The following CRYGD variants were observed in gnomAD, a reference collection of about 807,000 sequenced individuals.
CRYGD encodes gamma-crystallin D.
Under a neutral mutation model 11.3 loss-of-function variants are expected in CRYGD, and 13 were observed. The observed-to-expected ratio is 1.15, with a 90% CI of 0.75 to 1.83. The LOEUF (loss-of-function observed/expected upper bound fraction) is 1.83. Among genes scored for constraint, CRYGD ranks in the 40% most tolerant of loss-of-function variants. The pLI is 0.00. For missense variants in CRYGD, 231 were observed against 229.9 expected (o/e 1.00, Z -0.03); for synonymous variants, 77 against 89.5 (o/e 0.86, Z 0.79).
In CRYGD at chr2:208,123,437, TAAATATATTAAAATATAAATATTTA is replaced by T. The variant is rs930943720; in HGVS notation, c.252+650_252+674del. 6.8e-5 allele frequency among the ~76,000 whole-genome samples: 10 copies of T among 147,914 alleles called. 1 individual carries two copies. The highest frequency in any genetic ancestry group is 2.4e-4 in the African/African-American group (10 of 40,834). Reference sequence around the variant, plus strand: ...CCTTCTATTCAAAATATAAGTGTTTTAAATATATTAAAATATAAATATTTAAAATATATTAAAATATAAAATGTTA... The same window carrying T: ...CCTTCTATTCAAAATATAAGTGTTTTAAATATATTAAAATATAAAATGTTA... On this transcript the variant is annotated intron_variant, in intron 2 of 2. Coordinates refer to ENST00000264376, the MANE Select transcript of CRYGD (RefSeq NM_006891.4).
At position 208,121,684 on chromosome 2, in the gene CRYGD, C is replaced by T; in HGVS notation, c.514G>A (p.Asp172Asn). 1 of 1,613,412 alleles carries T rather than the reference C, an allele frequency of 6.2e-7. No individual in the cohort carries two copies. Among genetic ancestry groups the T allele is most frequent in the Non-Finnish European group, 8.5e-7 (1 of 1,179,582 alleles). The change falls in exon 3 of 3, where the codon GAT (aspartate) becomes AAT (asparagine). Residue 172 changes from aspartate (D) to asparagine (N), a missense_variant. By Grantham distance (23) the Asp-to-Asn change is conservative (BLOSUM62 1). Transcript: ENST00000264376. ...ARVGSLRRVI[D>N]FS ...AAAGAGGACATATTTCAGGAGAAAT[C>T]TATGACTCTCCTCAGAGAGCCCACT...
intron 2 of CRYGD, among the ~76,000 whole-genome samples, chr2:208,123,032 C>G (rs1212001578): frequency 6.7e-6 from 1 of 149,530 alleles, no homozygotes; most frequent in Admixed American, 6.7e-5. Context: ...GCACTCCAGC[C>G]TGGGCGTCAG....
chr2:208,124,006 A>C (rs921088072), intron 2 of CRYGD, 106 bp downstream of exon 2: 46 of 1,520,786 alleles, frequency 3.0e-5, no homozygotes, highest in Non-Finnish European at 4.2e-5. Context: ...TCTTTTGTCC[A>C]CTCTCAGTTA....
chr2:208,124,300 C>A lies in CRYGD; in HGVS notation c.64G>T (p.Asp22Tyr). 1 of 1,610,824 alleles carries A rather than the reference C, an allele frequency of 6.2e-7. No individual in the cohort carries two copies. Among genetic ancestry groups the A allele is most frequent in the Non-Finnish European group, 8.5e-7 (1 of 1,178,898 alleles). ...AAGTAGGGCTGCAGGTTGGGGTGGT[C>A]GCTGCTGCATTCATAGTGGCGGCCC... ...FQGRHYECSS[D>Y]HPNLQPYLSR... Residue 22 changes from aspartate (D) to tyrosine (Y), a missense_variant, in exon 2 of 3, where the codon GAC becomes TAC. Transcript: ENST00000264376.
In CRYGD at chr2:208,124,509, G is replaced by C. The variant is rs1442407336; in HGVS notation, c.-36C>G. ...GCGCACGGCGGTGCTGAGCTGGTGG[G>C]GCGGCGGCGCTGAGCGGGTGGGGCT... is the stretch of plus-strand genomic sequence containing the variant. On this transcript the variant is annotated 5_prime_UTR_variant, in exon 1 of 3. Coordinates refer to ENST00000264376, the MANE Select transcript of CRYGD (RefSeq NM_006891.4). The C allele has an allele frequency of 6.5e-7, 1 of 1,543,356 alleles. No homozygotes were observed. Among genetic ancestry groups the C allele is most frequent in the Non-Finnish European group, 8.7e-7 (1 of 1,150,774 alleles).
rs1416723587 is a variant in CRYGD, at chr2:208,121,697, C to G, written c.501G>C (p.Leu167=). The change falls in exon 3 of 3, where the codon CTG becomes CTC. Residue 167 remains leucine, a synonymous_variant. Coordinates refer to ENST00000264376, the MANE Select transcript of CRYGD (RefSeq NM_006891.4). The part of the protein sequence containing the change: ...WGATNARVGS[L]RRVIDFS ...TTCAGGAGAAATCTATGACTCTCCT[C>G]AGAGAGCCCACTCTGGCATTCGTGG... The G allele has an allele frequency of 1.7e-5, 27 of 1,613,732 alleles. No homozygotes were observed. Among genetic ancestry groups the G allele is most frequent in the Non-Finnish European group, 2.3e-5 (27 of 1,179,760 alleles).
chr2:208,122,855 A>G (rs1694891757), intron 2 of CRYGD, among the ~76,000 whole-genome samples: 1 of 150,424 alleles, frequency 6.6e-6, no homozygotes, highest in Admixed American at 6.6e-5. Flanking sequence ...TTCGTCAAAA[A>G]AAATAATAAT....
At chr2:208,122,872 TAATAAAATAA>T (rs993976123) in intron 2 of CRYGD, among the ~76,000 whole-genome samples, 7 of 148,296 alleles carry the variant, frequency 4.7e-5, no homozygotes, top group Admixed American at 2.0e-4. Context: ...TAATAATAAA[TAATAAAATAA>T]AATAAAATAA....
Position 208,124,512 on chromosome 2 carries a change from G to GGCGGCGCTGAGCGGGTGGGGCT in CRYGD, c.-40_-39insAGCCCCACCCGCTCAGCGCCGC. 2 of 1,541,478 alleles carry GGCGGCGCTGAGCGGGTGGGGCT rather than the reference G, an allele frequency of 1.3e-6. No individual in the cohort carries two copies. Among genetic ancestry groups the GGCGGCGCTGAGCGGGTGGGGCT allele is most frequent in the Non-Finnish European group, 8.7e-7 (1 of 1,149,890 alleles). On this transcript the variant is annotated 5_prime_UTR_variant, in exon 1 of 3. Transcript: ENST00000264376. The stretch of plus-strand genomic sequence containing the variant: ...CACGGCGGTGCTGAGCTGGTGGGGC[G>GGCGGCGCTGAGCGGGTGGGGCT]GCGGCGCTGAGCGGGTGGGGCTGCG...
chr2:208,122,809 T>C (rs1300467369), intron 2 of CRYGD, among the ~76,000 whole-genome samples: 1 of 150,518 alleles, frequency 6.6e-6, no homozygotes, highest in Non-Finnish European at 1.5e-5. Context: ...GCCGAGATCA[T>C]GCCACTGCAC....
chr2:208,122,152 T>G (rs1694877592), intron 2 of CRYGD, among the ~76,000 whole-genome samples: 1 of 152,114 alleles, frequency 6.6e-6, no homozygotes, highest in South Asian at 2.1e-4. Context: ...GTGAAGAAAT[T>G]GAGAAGGAAA....
Position 208,124,196 on chromosome 2 carries a change from G to T in CRYGD, c.168C>A (p.Tyr56Ter), listed in dbSNP as rs202233735. 27 of 1,611,718 alleles carry T rather than the reference G, an allele frequency of 1.7e-5. No individual in the cohort carries two copies. The highest frequency in any genetic ancestry group is 2.2e-5 in the Non-Finnish European group (26 of 1,179,888). ...CGGCATAGTCGCCGCGGCGCAGGAA[G>T]TACTGGAGGCCCGAGTAGTTGGGCT... is the stretch of plus-strand genomic sequence containing the variant. ...YEQPNYSGLQYFLRRGDYADH... is the reference protein window; with the variant it reads ...YEQPNYSGLQ The change falls in exon 2 of 3, where the codon TAC becomes TAA. Residue 56 changes from tyrosine to a stop codon, truncating the protein, a stop_gained. Coordinates refer to ENST00000264376, the MANE Select transcript of CRYGD (RefSeq NM_006891.4). LOFTEE classifies it high-confidence loss of function.
chr2:208,124,081 G>A, intron 2 of CRYGD, 31 bp downstream of exon 2: 1 of 1,611,532 alleles, frequency 6.2e-7, no homozygotes, highest in South Asian at 1.1e-5. Flanking sequence ...GTGTCCTGAG[G>A]GCCTGGGTCC....
intron 2 of CRYGD, among the ~76,000 whole-genome samples, 155 bp from the exon 3 acceptor site, chr2:208,122,100 C>T (rs1162394158): frequency 1.3e-5 from 2 of 152,010 alleles, no homozygotes; most frequent in African/African-American, 2.4e-5. Context: ...TCCTCATTAC[C>T]GAGCACAGAG....
Position 208,123,133 on chromosome 2 carries a change from A to G in CRYGD, c.252+979T>C, listed in dbSNP as rs905253279. ...ATAATGTAAATGAAATATATTAAAA[A>G]TATATTAAAATATATTTAAAATATG... is the stretch of plus-strand genomic sequence containing the variant. On this transcript the variant is annotated intron_variant, in intron 2 of 2. Transcript: ENST00000264376. Among the ~76,000 whole-genome samples, 5 of 147,420 alleles carry G rather than the reference A, an allele frequency of 3.4e-5. No homozygotes were observed. The East Asian group carries it at 9.8e-4, about 29-fold the overall frequency.
intron 2 of CRYGD, among the ~76,000 whole-genome samples, chr2:208,122,869 A>AAAT (rs1399570887): frequency 1.6e-4 from 24 of 150,106 alleles, no homozygotes; most frequent in African/African-American, 5.6e-4. Flanking sequence ...TAATAATAAT[A>AAAT]AATAATAAAA....
rs762527661 is a variant in CRYGD, at chr2:208,121,832, G to A, written c.366C>T (p.His122=). The change falls in exon 3 of 3, where the codon CAC becomes CAT. Residue 122 remains histidine, a synonymous_variant. Coordinates refer to ENST00000264376, the MANE Select transcript of CRYGD (RefSeq NM_006891.4). The stretch of plus-strand genomic sequence containing the variant: ...AGGAGCCCTCCAGCACGTTGAGGGA[G>A]TGGATTTCATTGAAGCGGAAGCGGT... ...LQDRFRFNEI[H]SLNVLEGSWV... The A allele has an allele frequency of 1.2e-6, 2 of 1,614,200 alleles. No homozygotes were observed. The highest frequency in any genetic ancestry group is 1.7e-6 in the Non-Finnish European group (2 of 1,180,034).
chr2:208,124,111 C>G lies in CRYGD; in HGVS notation c.252+1G>C. ...GGGTCCTGACTTGAGGATGTACTCA[C>G]GTGGGGGATGAGGCGGCAGGAGCGG... On this transcript the variant is annotated splice_donor_variant, in intron 2 of 2. Transcript: ENST00000264376. LOFTEE classifies it high-confidence loss of function. 6.2e-7 allele frequency: 1 copy of G among 1,611,724 alleles called. No homozygotes were observed.
At chr2:208,124,382 G>A in intron 1 of CRYGD, 28 bp from the exon 2 acceptor site, 1 of 1,610,310 alleles carries the variant, frequency 6.2e-7, no homozygotes, top group East Asian at 2.2e-5. Context: ...ACAAGGCGAG[G>A]TCTCACAGGC....
Sources: allele counts gnomAD v4.1 joint callset (sites outside exome capture counted in the v4.1 genomes callset), GRCh38; gene constraint gnomAD v4.1.1; transcripts MANE v1.5; gene names NCBI Gene and HGNC (gene_info 2026-07-23, HGNC 2026-07-21).